The following TLL2 variants were observed in gnomAD, a reference collection of about 807,000 sequenced individuals.
TLL2 encodes tolloid-like protein 2.
Under a neutral mutation model 123.0 loss-of-function variants are expected in TLL2, and 106 were observed. That is an observed-to-expected ratio of 0.86 (90% CI 0.74 to 1.01). TLL2 has a LOEUF of 1.01. TLL2 is among the 50% of genes least tolerant of loss of function. TLL2 has a pLI of 0.00. For synonymous variants in TLL2, 494 were observed against 516.8 expected (o/e 0.96, Z 0.60); for missense variants, 1,332 against 1,336.7 (o/e 1.00, Z 0.06).
At chr10:96,480,323 A>G in intron 2 of TLL2, 26 bp downstream of exon 2, 1 of 1,570,070 alleles carries the variant, frequency 6.4e-7, no homozygotes, top group South Asian at 1.1e-5. Context: ...CCATCTGGGC[A>G]GGAGAAGGGA....
chr10:96,449,727 CT>C (rs1461336774), intron 2 of TLL2, among the ~76,000 whole-genome samples: 2 of 152,210 alleles, frequency 1.3e-5, no homozygotes, highest in East Asian at 3.9e-4. Context: ...TCCTCTCCTA[CT>C]CCCTCCACTG....
intron 2 of TLL2, among the ~76,000 whole-genome samples, chr10:96,469,755 T>C (rs1847161235): frequency 6.6e-6 from 1 of 152,260 alleles, no homozygotes; most frequent in Admixed American, 6.5e-5. Flanking sequence ...AAAAAGTGGT[T>C]ACTGCTGTAT....
At position 96,400,003 on chromosome 10, in the gene TLL2, T is replaced by C. The variant is rs147191942; in HGVS notation, c.1268-2701A>G. Among the ~76,000 whole-genome samples the C allele has an allele frequency of 4.2e-3, 644 of 152,296 alleles. 11 individuals are homozygous for C. Among genetic ancestry groups the C allele is most frequent in the Admixed American group, 0.039 (593 of 15,298 alleles). ...AGACTTCGTAGAACAAATTACAAAT[T>C]ATTCCTAAGCACTCTCCCCAAATCA... On this transcript the variant is annotated intron_variant, in intron 10 of 20. Transcript: ENST00000357947.
intron 1 of TLL2, among the ~76,000 whole-genome samples, chr10:96,481,510 T>G (rs1214706623): frequency 6.6e-6 from 1 of 152,206 alleles, no homozygotes; most frequent in African/African-American, 2.4e-5. Context: ...AGAAATAGTA[T>G]GTTCTGTAAC....
intron 14 of TLL2, among the ~76,000 whole-genome samples, chr10:96,386,486 T>A (rs369554468): frequency 9.8e-5 from 15 of 152,320 alleles, no homozygotes; most frequent in African/African-American, 3.6e-4. Context: ...GGGCTCCCTA[T>A]GGCTTGGGCC....
At chr10:96,448,231 G>A (rs1258624032) in intron 2 of TLL2, among the ~76,000 whole-genome samples, 2 of 152,198 alleles carry the variant, frequency 1.3e-5, no homozygotes, top group Non-Finnish European at 2.9e-5. Flanking sequence ...TGCAGCTGCC[G>A]GGTGTTCGCT....
rs576410785 is a variant in TLL2, at chr10:96,403,500, A to G, written c.1267+1732T>C. Among the ~76,000 whole-genome samples, 29 of 152,342 alleles carry G rather than the reference A, an allele frequency of 1.9e-4. No homozygotes were observed. In the South Asian group the frequency reaches 2.3e-3, roughly 12 times the overall value. ...TAAGGGATCTAGGGCTGCGCAGGAC[A>G]TGCCTTGTTAACAAAATGTTTACAA... On this transcript the variant is annotated intron_variant, in intron 10 of 20. Coordinates refer to ENST00000357947, the MANE Select transcript of TLL2 (RefSeq NM_012465.4).
chr10:96,377,068 G>A (rs1846145164), intron 17 of TLL2, among the ~76,000 whole-genome samples: 1 of 152,194 alleles, frequency 6.6e-6, no homozygotes, highest in Non-Finnish European at 1.5e-5. Context: ...CCACATTGCA[G>A]TTATCCTTGC....
intron 10 of TLL2, among the ~76,000 whole-genome samples, chr10:96,401,526 G>A (rs10882788): frequency 0.36 from 49,675 of 136,724 alleles, 8,893 homozygotes; most frequent in Non-Finnish European, 0.43. Context: ...ACACACACAC[G>A]CACACACACA....
chr10:96,476,240 A>ATATATTT, intron 2 of TLL2, among the ~76,000 whole-genome samples: 1 of 20,502 alleles, frequency 4.9e-5, no homozygotes, highest in Non-Finnish European at 1.0e-4. Context: ...ATATATATAT[A>ATATATTT]TTTTATTTTT....
chr10:96,509,941 C>T (rs1315036934), intron 1 of TLL2, among the ~76,000 whole-genome samples: 4 of 152,024 alleles, frequency 2.6e-5, no homozygotes, highest in South Asian at 2.1e-4. Context: ...AGCGAGACTC[C>T]GTCTCAAAAA....
intron 10 of TLL2, among the ~76,000 whole-genome samples, chr10:96,400,762 G>T (rs1033548833): frequency 6.6e-6 from 1 of 152,198 alleles, no homozygotes; most frequent in Non-Finnish European, 1.5e-5. Flanking sequence ...GCATACAAAA[G>T]TGCATTGTTA....
chr10:96,374,971 G>A (rs985853088), intron 18 of TLL2, among the ~76,000 whole-genome samples: 1 of 144,564 alleles, frequency 6.9e-6, no homozygotes, highest in Non-Finnish European at 1.5e-5. Context: ...CGGGGGGGGG[G>A]GGGGGGTGTC....
chr10:96,368,319 G>A lies in TLL2; in HGVS notation c.2914-97C>T, dbSNP rs921063509. ...AGGATCTTATGCAAGGACACAGGAT[G>A]TGTCTCTGGTACCAGAGACTCTGAA... On this transcript the variant is annotated intron_variant, in intron 20 of 20. Coordinates refer to ENST00000357947, the MANE Select transcript of TLL2 (RefSeq NM_012465.4). 12 of 1,425,668 alleles carry A rather than the reference G, an allele frequency of 8.4e-6. No individual in the cohort carries two copies. The Admixed American group carries it at 2.1e-4, about 25-fold the overall frequency. The allele number at this position is 1,425,668 out of a possible 1,614,324, so 88.3% of individuals were successfully genotyped here.
At chr10:96,500,796 G>GGGAC in intron 1 of TLL2, among the ~76,000 whole-genome samples, 3 of 136,832 alleles carry the variant, frequency 2.2e-5, no homozygotes, top group Admixed American at 7.3e-5. Context: ...AAGGAAGGGA[G>GGGAC]GGAGGGACGG....
intron 1 of TLL2, among the ~76,000 whole-genome samples, chr10:96,509,719 G>A (rs561301305): frequency 1.8e-4 from 28 of 152,334 alleles, no homozygotes; most frequent in Admixed American, 1.6e-3. Context: ...AGGCCGAGGC[G>A]GGCAGATCAC....
intron 7 of TLL2, among the ~76,000 whole-genome samples, chr10:96,413,997 A>G (rs1439333754): frequency 6.6e-6 from 1 of 152,182 alleles, no homozygotes; most frequent in African/African-American, 2.4e-5. Flanking sequence ...TGAGATGGTC[A>G]TGGCAGCCCC....
chr10:96,431,488 G>T (rs1470248312), intron 4 of TLL2, among the ~76,000 whole-genome samples: 1 of 152,136 alleles, frequency 6.6e-6, no homozygotes, highest in East Asian at 1.9e-4. Flanking sequence ...GCCACAGGGA[G>T]GGGAAGGACT....
intron 5 of TLL2, among the ~76,000 whole-genome samples, chr10:96,426,115 T>C (rs993419970): frequency 1.3e-5 from 2 of 152,124 alleles, no homozygotes; most frequent in African/African-American, 4.8e-5. Context: ...ATTGTACAGG[T>C]GCCTTTTAGC....
Sources: allele counts gnomAD v4.1 joint callset (sites outside exome capture counted in the v4.1 genomes callset), GRCh38; gene constraint gnomAD v4.1.1; transcripts MANE v1.5; gene names NCBI Gene and HGNC (gene_info 2026-07-23, HGNC 2026-07-21).